Variants in STRN observed in about 807,000 individuals in gnomAD.
STRN encodes protein phosphatase 2 regulatory subunit B'''alpha.
Under a neutral mutation model 96.3 loss-of-function variants are expected in STRN, and 53 were observed. The ratio of observed to expected loss-of-function variants is 0.55; its 90% CI spans 0.44 to 0.69. The LOEUF (loss-of-function observed/expected upper bound fraction) is 0.69, where lower values mean the gene tolerates loss of function less well. Ranked by LOEUF, STRN falls within the 30% of genes least tolerant of loss-of-function variation. The probability of loss-of-function intolerance (pLI) is 0.00; values close to 1 mark genes in which losing one functional copy is unlikely to be tolerated. For missense variants in STRN, 987 were observed against 963.9 expected, an observed-to-expected ratio of 1.02 and a Z score of -0.32; for synonymous variants, 428 against 355.9, an observed-to-expected ratio of 1.20 and a Z score of -2.28.
chr2:36,889,189 T>C (rs900530927), intron 7 of STRN, among the ~76,000 whole-genome samples: 5 of 152,192 alleles, frequency 3.3e-5, no homozygotes, highest in African/African-American at 1.2e-4. Flanking sequence ...TGATCAATAT[T>C]TGTTGAATGA....
At chr2:36,858,358 G>T (rs1374548393) in intron 13 of STRN, among the ~76,000 whole-genome samples, 1 of 152,022 alleles carries the variant, frequency 6.6e-6, no homozygotes, top group Non-Finnish European at 1.5e-5. Flanking sequence ...ATTCATCTTT[G>T]GAGAAACCAC....
At chr2:36,917,660 A>G (rs1187443033) in intron 2 of STRN, among the ~76,000 whole-genome samples, 1 of 151,214 alleles carries the variant, frequency 6.6e-6, no homozygotes. Flanking sequence ...TCACAACAGA[A>G]AAAAAAGTTT....
intron 7 of STRN, among the ~76,000 whole-genome samples, chr2:36,889,081 C>A (rs551621415): frequency 3.3e-5 from 5 of 152,132 alleles, no homozygotes; most frequent in Non-Finnish European, 5.9e-5. Flanking sequence ...CTTTCCATAG[C>A]ATTTATCACC....
At chr2:36,903,677 G>C (rs899976007) in intron 4 of STRN, among the ~76,000 whole-genome samples, 10 of 152,280 alleles carry the variant, frequency 6.6e-5, no homozygotes, top group African/African-American at 2.2e-4. Flanking sequence ...ACAAGATTTG[G>C]TCTTAGTTAT....
intron 12 of STRN, among the ~76,000 whole-genome samples, chr2:36,866,569 T>C (rs1572632504): frequency 6.6e-6 from 1 of 152,182 alleles, no homozygotes; most frequent in Admixed American, 6.5e-5. Flanking sequence ...TGGTCAAGCA[T>C]CAAGTTCAGG....
Position 36,966,241 on chromosome 2 carries a change from C to T in STRN, c.223G>A (p.Ala75Thr), listed in dbSNP as rs771055423. The part of the protein sequence containing the change: ...VERAQWEVER[A>T]ELQAQIAFLQ... ...GGGAGGGTCTTTACCTGCAGCTCCGCCCGCTCCACCTCCCACTGGGCTCTC... is the reference window on the plus strand; with the variant it reads ...GGGAGGGTCTTTACCTGCAGCTCCGTCCGCTCCACCTCCCACTGGGCTCTC... The change falls in exon 1 of 18, where the codon GCG (alanine) becomes ACG (threonine). Residue 75 changes from alanine to threonine, a missense_variant. By Grantham distance (58) the Ala-to-Thr change is moderately conservative (BLOSUM62 0). Coordinates refer to ENST00000263918, the MANE Select transcript of STRN (RefSeq NM_003162.4). 2 of 1,572,218 alleles carry T rather than the reference C, an allele frequency of 1.3e-6. No homozygotes were observed. Among genetic ancestry groups the T allele is most frequent in the Admixed American group, 3.6e-5 (2 of 55,890 alleles).
At chr2:36,917,414 G>A (rs1299996295) in intron 2 of STRN, among the ~76,000 whole-genome samples, 1 of 151,392 alleles carries the variant, frequency 6.6e-6, no homozygotes, top group Non-Finnish European at 1.5e-5. Context: ...CCAGTTACTC[G>A]GGAGGCTAAG....
rs1383989246 is a variant in STRN at position 36,848,678 on chromosome 2, C to T, written c.*778G>A. On this transcript the variant is annotated 3_prime_UTR_variant, in exon 18 of 18. Transcript: ENST00000263918. ...CCTTAAAAATAAACAGAATTTCAAA[C>T]CTGAATAAGTTAAATCTGTTAGTAA... 2.0e-5 allele frequency: 3 copies of T among 152,050 alleles called. No individual in the cohort carries two copies. Among genetic ancestry groups the T allele is most frequent in the Non-Finnish European group, 4.4e-5 (3 of 67,988 alleles). 9.4% of individuals were successfully genotyped at this position (152,050 alleles called of 1,614,324 possible).
intron 10 of STRN, among the ~76,000 whole-genome samples, chr2:36,870,435 A>C (rs1461810327): frequency 3.3e-5 from 5 of 152,188 alleles, no homozygotes; most frequent in Non-Finnish European, 7.4e-5. Context: ...ACTAAGTTTA[A>C]ATAAGGGTAG....
intron 1 of STRN, among the ~76,000 whole-genome samples, chr2:36,937,685 A>G (rs1197154352): frequency 2.0e-5 from 3 of 151,768 alleles, no homozygotes; most frequent in African/African-American, 7.3e-5. Flanking sequence ...AAAAAGAAAG[A>G]AAAGAAAAAA....
chr2:36,916,906 G>T (rs1173787798), intron 2 of STRN, among the ~76,000 whole-genome samples: 6 of 151,856 alleles, frequency 4.0e-5, no homozygotes, highest in African/African-American at 1.5e-4. Context: ...TTTTAAAAGG[G>T]TGACTAAAAA....
At chr2:36,860,953 T>C (rs1218516207) in intron 13 of STRN, among the ~76,000 whole-genome samples, 179 bp downstream of exon 13, 1 of 152,246 alleles carries the variant, frequency 6.6e-6, no homozygotes, top group African/African-American at 2.4e-5. Context: ...CTTTTCTTCT[T>C]TTAGCATTGT....
intron 10 of STRN, among the ~76,000 whole-genome samples, chr2:36,876,203 G>A (rs111305794): frequency 5.9e-4 from 88 of 150,180 alleles, no homozygotes; most frequent in Non-Finnish European, 6.3e-4. Flanking sequence ...CCGGTGGGGC[G>A]GAGGGTGCAG....
intron 13 of STRN, among the ~76,000 whole-genome samples, chr2:36,858,624 C>G (rs532475623): frequency 2.1e-3 from 317 of 152,276 alleles, no homozygotes; most frequent in African/African-American, 7.3e-3. Flanking sequence ...AGCACAGTCT[C>G]ATGATAAAAG....
At chr2:36,926,438 G>C (rs1297326271) in intron 1 of STRN, among the ~76,000 whole-genome samples, 1 of 152,112 alleles carries the variant, frequency 6.6e-6, no homozygotes, top group Admixed American at 6.6e-5. Flanking sequence ...TGTTATTTAT[G>C]TATCTACAGT....
intron 13 of STRN, among the ~76,000 whole-genome samples, chr2:36,860,369 G>C (rs1668445352): frequency 1.3e-5 from 2 of 152,160 alleles, no homozygotes; most frequent in Non-Finnish European, 2.9e-5. Flanking sequence ...TTAGGGGAGA[G>C]TGGGGTTACC....
rs574397680 is a variant in STRN at position 36,961,142 on chromosome 2, T to C, written c.234+5088A>G. 8.0e-4 allele frequency among the ~76,000 whole-genome samples: 112 copies of C among 139,476 alleles called. 1 individual carries two copies. The highest frequency in any genetic ancestry group is 2.3e-3 in the African/African-American group (82 of 34,908). The allele number at this position is 139,476 out of a possible 152,430, so 91.5% of individuals were successfully genotyped here. A position where few individuals can be genotyped will look rare whatever the true frequency, so the allele number is the denominator to read the frequency against. On this transcript the variant is annotated intron_variant, in intron 1 of 17. Transcript: ENST00000263918. ...TTTTTTTTTTTTTTTTTTTTTTTTT[T>C]CTGAGACAGGGTCTCCTTCTGTCGC...
At chr2:36,913,292 C>G (rs1240241726) in intron 3 of STRN, among the ~76,000 whole-genome samples, 1 of 152,144 alleles carries the variant, frequency 6.6e-6, no homozygotes, top group Non-Finnish European at 1.5e-5. Flanking sequence ...ATTTTACCCC[C>G]CAGCTAACTC....
Position 36,886,725 on chromosome 2 carries a change from CCT to C in STRN, c.1031_1032del (p.Lys344ArgfsTer7). The C allele has an allele frequency of 6.2e-7, 1 of 1,609,282 alleles. No homozygotes were observed. Among genetic ancestry groups the C allele is most frequent in the Non-Finnish European group, 8.5e-7 (1 of 1,177,304 alleles). ...AATGTTTTCCACTTACTCTTCACCCCCTTTTTCCCCTTTCTCTCCTTTTTGTA... is the reference window on the plus strand; with the variant it reads ...AATGTTTTCCACTTACTCTTCACCCCTTTTCCCCTTTCTCTCCTTTTTGTA... Reference protein sequence around the residue: ...EQYKKERKGKKGVKRPNRSKL... With the variant: ...EQYKKERKGKXGVKRPNRSKL... On this transcript the variant is annotated frameshift_variant, in exon 8 of 18. Transcript: ENST00000263918. LOFTEE classifies it high-confidence loss of function.
Sources: gnomAD v4.1 joint callset for allele counts (sites outside exome capture counted in the v4.1 genomes callset) on GRCh38, gnomAD v4.1.1 for gene constraint, MANE v1.5 for transcripts, NCBI Gene and HGNC (gene_info 2026-07-23, HGNC 2026-07-21) for gene names.